Variants in ANKRD17 observed in about 807,000 individuals in gnomAD.
The protein encoded by ANKRD17 is ankyrin repeat domain-containing protein 17.
In ANKRD17, 19 loss-of-function variants were observed where a neutral mutation model predicts 229.7. The ratio of observed to expected loss-of-function variants is 0.08; its 90% confidence interval spans 0.06 to 0.12. The LOEUF (loss-of-function observed/expected upper bound fraction) is 0.12, where lower values mean the gene tolerates loss of function less well. Ranked by LOEUF, ANKRD17 falls within the 10% of genes least tolerant of loss-of-function variation. The pLI is 1.00. For synonymous variants in ANKRD17, 1,112 were observed against 1,146.1 expected (o/e 0.97, Z 0.60); for missense variants, 2,176 against 3,176.8 (o/e 0.68, Z 7.57).
intron 1 of ANKRD17, among the ~76,000 whole-genome samples, chr4:73,217,622 G>T (rs1022098104): frequency 6.6e-6 from 1 of 151,708 alleles, no homozygotes; most frequent in Admixed American, 6.6e-5. Context: ...TCAGCCTCCC[G>T]AATTGCTGTG....
chr4:73,184,481 A>T (rs1162030314), intron 1 of ANKRD17, among the ~76,000 whole-genome samples: 1 of 145,782 alleles, frequency 6.9e-6, no homozygotes, highest in Admixed American at 6.9e-5. Context: ...GTGAGCCAAG[A>T]TAGCGCCATT....
At chr4:73,171,345 T>C (rs1734016728) in intron 2 of ANKRD17, among the ~76,000 whole-genome samples, 1 of 152,112 alleles carries the variant, frequency 6.6e-6, no homozygotes. Flanking sequence ...CCATAAAAAA[T>C]CATAGCGATA....
At chr4:73,235,822 A>T (rs935250746) in intron 1 of ANKRD17, among the ~76,000 whole-genome samples, 1 of 152,162 alleles carries the variant, frequency 6.6e-6, no homozygotes, top group Non-Finnish European at 1.5e-5. Context: ...TTCAGAAAGA[A>T]AAAGAAGGAA....
At chr4:73,162,273 C>T (rs749909299) in intron 2 of ANKRD17, among the ~76,000 whole-genome samples, 2 of 152,092 alleles carry the variant, frequency 1.3e-5, no homozygotes, top group Non-Finnish European at 2.9e-5. Flanking sequence ...TGGTCTCGAA[C>T]TCCTGGGCAT....
intron 7 of ANKRD17, among the ~76,000 whole-genome samples, chr4:73,151,021 CTTTTT>C (rs1474829072): frequency 6.6e-6 from 1 of 151,732 alleles, no homozygotes; most frequent in South Asian, 2.1e-4. Flanking sequence ...TTCCTTTTTT[CTTTTT>C]TTAACATTTT....
At chr4:73,157,860 C>T (rs1323136398) in intron 3 of ANKRD17, among the ~76,000 whole-genome samples, 4 of 152,062 alleles carry the variant, frequency 2.6e-5, no homozygotes, top group African/African-American at 4.8e-5. Flanking sequence ...GAGGCCGAGG[C>T]GGGCGGATCA....
At position 73,098,686 on chromosome 4, in the gene ANKRD17, T is replaced by C. The variant is rs957613547; in HGVS notation, c.4574-166A>G. On this transcript the variant is annotated intron_variant, in intron 25 of 33. Coordinates refer to ENST00000358602, the MANE Select transcript of ANKRD17 (RefSeq NM_032217.5). ...AATGAGCTGGATAGGACTGATATAC[T>C]CTGTGTACCCACGTTCTGTTCAAAG... The C allele has an allele frequency of 1.8e-5, 15 of 844,516 alleles. No homozygotes were observed. In the African/African-American group the frequency reaches 2.4e-4, roughly 13 times the overall value. 52.3% of individuals were successfully genotyped at this position (844,516 alleles called of 1,614,324 possible).
At chr4:73,077,606 A>G (rs1721125975) in intron 31 of ANKRD17, 73 bp from the exon 32 acceptor site, 2 of 1,352,768 alleles carry the variant, frequency 1.5e-6, no homozygotes, top group African/African-American at 3.0e-5. Flanking sequence ...TGTTTTTCTA[A>G]TATTTTCCAC....
chr4:73,102,353 G>A (rs762953176), intron 25 of ANKRD17, 23 bp downstream of exon 25: 4 of 1,568,204 alleles, frequency 2.6e-6, no homozygotes, highest in South Asian at 1.2e-5. Flanking sequence ...AAAACAAATG[G>A]GATGGTTGTT....
chr4:73,159,608 CCAGT>C (rs987640560), intron 3 of ANKRD17, among the ~76,000 whole-genome samples: 8 of 152,086 alleles, frequency 5.3e-5, no homozygotes, highest in Non-Finnish European at 7.4e-5. Context: ...CTGTTAAATT[CCAGT>C]ATTTTCAATG....
chr4:73,101,179 G>T (rs918304825), intron 25 of ANKRD17: 1 of 952,940 alleles, frequency 1.0e-6, no homozygotes, highest in African/African-American at 1.8e-5. Context: ...ATCCCCTGTG[G>T]ATATAAAGGG....
intron 2 of ANKRD17, among the ~76,000 whole-genome samples, chr4:73,161,832 C>T (rs1732562196): frequency 6.6e-6 from 1 of 152,052 alleles, no homozygotes; most frequent in South Asian, 2.1e-4. Flanking sequence ...GAAGCTAGCA[C>T]CATCTCTATG....
chr4:73,182,702 A>G (rs569784746), intron 1 of ANKRD17, among the ~76,000 whole-genome samples: 1 of 152,250 alleles, frequency 6.6e-6, no homozygotes, highest in Non-Finnish European at 1.5e-5. Flanking sequence ...ATAATCTACT[A>G]GAACTTTTAG....
chr4:73,167,779 A>G (rs1178094054), intron 2 of ANKRD17, among the ~76,000 whole-genome samples: 3 of 152,182 alleles, frequency 2.0e-5, no homozygotes, highest in African/African-American at 2.4e-5. Context: ...TTCCAAGTCT[A>G]TTTGGTTAAG....
At chr4:73,095,584 A>G (rs1234353407) in intron 27 of ANKRD17, among the ~76,000 whole-genome samples, 1 of 151,476 alleles carries the variant, frequency 6.6e-6, no homozygotes, top group South Asian at 2.1e-4. Flanking sequence ...CCTGGGCAAC[A>G]AGAGTAAAAC....
chr4:73,195,019 C>T (rs1009430817), intron 1 of ANKRD17, among the ~76,000 whole-genome samples: 1 of 152,228 alleles, frequency 6.6e-6, no homozygotes, highest in Non-Finnish European at 1.5e-5. Context: ...GCTAAACTCA[C>T]TGATTAATTA....
intron 2 of ANKRD17, among the ~76,000 whole-genome samples, chr4:73,167,155 ACTGC>A (rs1302659277): frequency 6.6e-6 from 1 of 152,202 alleles, no homozygotes; most frequent in African/African-American, 2.4e-5. Context: ...ATGAAAAAAG[ACTGC>A]CTGTACACTG....
intron 1 of ANKRD17, among the ~76,000 whole-genome samples, chr4:73,201,251 T>C (rs1366828088): frequency 2.6e-5 from 4 of 151,918 alleles, no homozygotes; most frequent in African/African-American, 9.7e-5. Flanking sequence ...TTCACATCAA[T>C]ATACAAAAAT....
intron 25 of ANKRD17, among the ~76,000 whole-genome samples, chr4:73,101,455 A>G (rs573546227): frequency 3.4e-4 from 52 of 152,238 alleles, no homozygotes; most frequent in Admixed American, 2.9e-3. Context: ...ACTTGAGATC[A>G]GGAGTTAGAG....
Sources: allele counts gnomAD v4.1 joint callset (sites outside exome capture counted in the v4.1 genomes callset), GRCh38; gene constraint gnomAD v4.1.1; transcripts MANE v1.5; gene names NCBI Gene and HGNC (gene_info 2026-07-23, HGNC 2026-07-21).